Variants in OSBPL10 observed in about 807,000 individuals in gnomAD.
OSBPL10 encodes the protein oxysterol binding protein like 10.
In OSBPL10, 49 loss-of-function variants were observed where a neutral mutation model predicts 81.7. The ratio of observed to expected loss-of-function variants is 0.60; its 90% confidence interval spans 0.48 to 0.76. The LOEUF (loss-of-function observed/expected upper bound fraction) is 0.76, where lower values mean the gene tolerates loss of function less well. Among genes scored for constraint, OSBPL10 ranks in the 30% least tolerant of loss-of-function variants. OSBPL10 has a pLI of 0.00. For missense variants in OSBPL10, 923 were observed against 987.8 expected (o/e 0.93, Z 0.88); for synonymous variants, 419 against 383.6 (o/e 1.09, Z -1.08).
intron 4 of OSBPL10, among the ~76,000 whole-genome samples, chr3:31,755,227 A>C (rs1417104450): frequency 2.0e-5 from 3 of 152,142 alleles, no homozygotes; most frequent in Non-Finnish European, 4.4e-5. Context: ...CCATAGCTGC[A>C]CCTTGCCCCC....
rs150770488 is a variant in OSBPL10, at chr3:31,956,331, A to G, written c.281+24568T>C. On this transcript the variant is annotated intron_variant, in intron 1 of 11. Transcript: ENST00000396556. ...GACATCCTACAGTCCATCAGGTTCTATTAATATCAGTATGTGCAGGGTCTC... is the reference window on the plus strand; with the variant it reads ...GACATCCTACAGTCCATCAGGTTCTGTTAATATCAGTATGTGCAGGGTCTC... Among the ~76,000 whole-genome samples the G allele has an allele frequency of 2.0e-3, 302 of 152,320 alleles. 6 individuals carry two copies. The highest frequency in any genetic ancestry group is 6.8e-3 in the African/African-American group (281 of 41,576).
intron 2 of OSBPL10, 147 bp downstream of exon 2, chr3:31,879,507 TA>T: frequency 1.3e-6 from 1 of 742,658 alleles, no homozygotes; most frequent in Non-Finnish European, 2.1e-6. Flanking sequence ...ACCCCAGGGA[TA>T]AGAGAGGCAA....
chr3:31,828,146 A>C (rs1700144322), intron 4 of OSBPL10, among the ~76,000 whole-genome samples: 1 of 152,256 alleles, frequency 6.6e-6, no homozygotes, highest in South Asian at 2.1e-4. Context: ...AATTACTTAT[A>C]AACTAATCTG....
At chr3:32,070,603 T>G (rs1174105052) in intron 1 of OSBPL10, among the ~76,000 whole-genome samples, 1 of 152,202 alleles carries the variant, frequency 6.6e-6, no homozygotes, top group African/African-American at 2.4e-5. Context: ...GGGGATTAAA[T>G]CCTGTTATCA....
intron 1 of OSBPL10, among the ~76,000 whole-genome samples, chr3:31,955,070 G>A (rs535590954): frequency 2.6e-5 from 4 of 152,336 alleles, no homozygotes; most frequent in Non-Finnish European, 4.4e-5. Context: ...TAGATGGGTG[G>A]ATAAGGTAAG....
At chr3:32,072,041 T>C (rs1007061765) in intron 1 of OSBPL10, among the ~76,000 whole-genome samples, 2 of 152,160 alleles carry the variant, frequency 1.3e-5, no homozygotes, top group African/African-American at 4.8e-5. Flanking sequence ...CCCCCTCTAC[T>C]ACCTCTCAGC....
At chr3:31,874,988 G>T (rs1480737125) in intron 3 of OSBPL10, among the ~76,000 whole-genome samples, 1 of 148,900 alleles carries the variant, frequency 6.7e-6, no homozygotes, top group African/African-American at 2.5e-5. Context: ...ATAAAGCACT[G>T]ACATCCATTC....
chr3:31,903,354 G>GTT (rs1696309935), intron 1 of OSBPL10, among the ~76,000 whole-genome samples: 1 of 140,966 alleles, frequency 7.1e-6, no homozygotes, highest in Non-Finnish European at 1.5e-5. Flanking sequence ...TTTAGACAAG[G>GTT]TCTCACTATG....
intron 5 of OSBPL10, among the ~76,000 whole-genome samples, chr3:31,739,268 T>C (rs996440323): frequency 1.3e-5 from 2 of 151,058 alleles, no homozygotes; most frequent in Non-Finnish European, 2.9e-5. Context: ...AAAATTGAAA[T>C]AAGAAAAGAA....
rs373687132 is a variant in OSBPL10, at chr3:31,684,076, C to T, written c.1284G>A (p.Leu428=). ...LPTFILEKRS[L]LEMYADFMAH... ...CCATGAAATCTGCATACATCTCCAG[C>T]AAAGATCGCTTCTCCAGGATAAAGG... Residue 428 remains leucine, a synonymous_variant, in exon 8 of 12, where the codon TTG becomes TTA. Transcript: ENST00000396556. The T allele has an allele frequency of 3.1e-6, 5 of 1,614,038 alleles. No homozygotes were observed. The highest frequency in any genetic ancestry group is 2.7e-5 in the African/African-American group (2 of 74,930).
At chr3:31,846,825 G>A (rs1054039907) in intron 3 of OSBPL10, among the ~76,000 whole-genome samples, 1 of 151,964 alleles carries the variant, frequency 6.6e-6, no homozygotes, top group African/African-American at 2.4e-5. Context: ...TCAAAGCTGG[G>A]ATGAAAAACC....
At chr3:31,817,167 C>T (rs545093945) in intron 4 of OSBPL10, among the ~76,000 whole-genome samples, 1 of 152,298 alleles carries the variant, frequency 6.6e-6, no homozygotes, top group South Asian at 2.1e-4. Context: ...CATGAGTCCC[C>T]ACTCTGGTCA....
At chr3:31,920,870 C>G (rs1260546573) in intron 1 of OSBPL10, among the ~76,000 whole-genome samples, 6 of 152,184 alleles carry the variant, frequency 3.9e-5, no homozygotes, top group Non-Finnish European at 5.9e-5. Context: ...GCTCCCCCTT[C>G]ACCTTCCACC....
intron 1 of OSBPL10, among the ~76,000 whole-genome samples, chr3:31,884,560 A>C (rs1421669495): frequency 1.3e-5 from 2 of 152,238 alleles, no homozygotes; most frequent in Non-Finnish European, 2.9e-5. Flanking sequence ...CCCTGGTAGG[A>C]AAGAAATTAA....
intron 2 of OSBPL10, among the ~76,000 whole-genome samples, chr3:32,028,320 A>G (rs1057199158): frequency 6.6e-6 from 1 of 152,210 alleles, no homozygotes; most frequent in Non-Finnish European, 1.5e-5. Flanking sequence ...AGAAATCATT[A>G]TTTCATTCAC....
At chr3:31,779,097 A>C (rs1698620756) in intron 4 of OSBPL10, among the ~76,000 whole-genome samples, 1 of 152,186 alleles carries the variant, frequency 6.6e-6, no homozygotes. Context: ...ACCTCAAAAT[A>C]CACCAAAATA....
At chr3:31,974,811 T>C (rs891008234) in intron 1 of OSBPL10, among the ~76,000 whole-genome samples, 6 of 152,166 alleles carry the variant, frequency 3.9e-5, no homozygotes, top group Non-Finnish European at 7.4e-5. Context: ...TTTAAGAAAA[T>C]TCATTGAACT....
chr3:31,909,247 G>T (rs965795358), intron 1 of OSBPL10, among the ~76,000 whole-genome samples: 1 of 152,164 alleles, frequency 6.6e-6, no homozygotes, highest in Non-Finnish European at 1.5e-5. Flanking sequence ...TACTGGAACT[G>T]TTAAGGCCAT....
intron 2 of OSBPL10, among the ~76,000 whole-genome samples, chr3:32,011,011 G>A (rs929964594): frequency 1.1e-4 from 16 of 152,206 alleles, no homozygotes; most frequent in African/African-American, 3.9e-4. Flanking sequence ...CTCCACCTCT[G>A]GGGGCAAGGC....
Sources: gnomAD v4.1 joint callset for allele counts (sites outside exome capture counted in the v4.1 genomes callset) on GRCh38, gnomAD v4.1.1 for gene constraint, MANE v1.5 for transcripts, NCBI Gene and HGNC (gene_info 2026-07-23, HGNC 2026-07-21) for gene names.